Variants in L3MBTL4 observed in about 807,000 individuals in gnomAD.
L3MBTL4 encodes the protein L3MBTL histone methyl-lysine binding protein 4, also known as lethal(3)malignant brain tumor-like protein 4.
A neutral mutation model predicts 84.5 loss-of-function variants in L3MBTL4; 70 were observed. The ratio of observed to expected loss-of-function variants is 0.83; its 90% CI spans 0.68 to 1.01. The LOEUF (loss-of-function observed/expected upper bound fraction) is 1.01, where lower values mean the gene tolerates loss of function less well. Ranked by LOEUF, L3MBTL4 falls within the 50% of genes least tolerant of loss-of-function variation. The probability of loss-of-function intolerance (pLI) is 0.00; values close to 1 mark genes in which losing one functional copy is unlikely to be tolerated. For missense variants in L3MBTL4, 715 were observed against 754.8 expected (o/e 0.95, Z 0.62); for synonymous variants, 274 against 259.8 (o/e 1.05, Z -0.52).
intron 12 of L3MBTL4, among the ~76,000 whole-genome samples, chr18:6,175,384 C>CA (rs370287889): frequency 1.2e-3 from 183 of 150,442 alleles, no homozygotes; most frequent in African/African-American, 3.9e-3. Flanking sequence ...TTCAGATAAA[C>CA]AAAAAAAAAG....
chr18:6,164,627 T>C (rs1476177171), intron 13 of L3MBTL4, among the ~76,000 whole-genome samples: 2 of 152,112 alleles, frequency 1.3e-5, no homozygotes, highest in Admixed American at 1.3e-4. Context: ...GTCCTGACCA[T>C]TAGAAGGAAA....
rs1319047189 is a variant in L3MBTL4 at position 6,311,978 on chromosome 18, T to C, written c.-32+20A>G. The C allele has an allele frequency of 1.7e-5, 4 of 233,972 alleles. No homozygotes were observed. Among genetic ancestry groups the C allele is most frequent in the Admixed American group, 1.5e-4 (3 of 19,444 alleles). 14.5% of individuals were successfully genotyped at this position (233,972 alleles called of 1,614,324 possible). A position where few individuals can be genotyped will look rare whatever the true frequency, so the allele number is the denominator to read the frequency against. On this transcript the variant is annotated intron_variant, in intron 2 of 18. Coordinates refer to ENST00000317931, the MANE Select transcript of L3MBTL4 (RefSeq NM_001330559.2). ...CAATTAGGATTCACTGCAATCAGCCTGCACAGCTTCTGTACTCACATGGTC... is the reference window on the plus strand; with the variant it reads ...CAATTAGGATTCACTGCAATCAGCCCGCACAGCTTCTGTACTCACATGGTC...
At chr18:6,033,711 A>G (rs2145633246) in intron 16 of L3MBTL4, among the ~76,000 whole-genome samples, 1 of 152,250 alleles carries the variant, frequency 6.6e-6, no homozygotes, top group Admixed American at 6.5e-5. Flanking sequence ...TCTTTTGTGT[A>G]TATTCTATAG....
intron 16 of L3MBTL4, among the ~76,000 whole-genome samples, chr18:6,056,575 A>G (rs2057031071): frequency 6.6e-6 from 1 of 152,092 alleles, no homozygotes; most frequent in South Asian, 2.1e-4. Context: ...AGAGGTAGAG[A>G]AAGGCTCTCT....
chr18:6,022,718 G>A (rs538896130), intron 16 of L3MBTL4, among the ~76,000 whole-genome samples: 7 of 152,328 alleles, frequency 4.6e-5, no homozygotes, highest in Admixed American at 1.3e-4. Flanking sequence ...CAAAGTCTAC[G>A]TGATTTGGCT....
rs1425265821 is a variant in L3MBTL4 at position 6,364,256 on chromosome 18, TATTTTC to T, written c.-91+50539_-91+50544del. Among the ~76,000 whole-genome samples the T allele has an allele frequency of 3.9e-4, 59 of 152,246 alleles. No homozygotes were observed. In the East Asian group the frequency reaches 8.3e-3, roughly 21 times the overall value. ...ATATTTTTGTTTCAGAGAATATAAC[TATTTTC>T]ATTAAAATATTATTTATGTTAAGTA... On this transcript the variant is annotated intron_variant, in intron 1 of 18. Coordinates refer to ENST00000317931, the MANE Select transcript of L3MBTL4 (RefSeq NM_001330559.2).
At chr18:5,995,977 C>T (rs949621457) in intron 16 of L3MBTL4, among the ~76,000 whole-genome samples, 4 of 152,220 alleles carry the variant, frequency 2.6e-5, no homozygotes, top group Admixed American at 1.3e-4. Flanking sequence ...TGAGAATACT[C>T]ACCAGCTGGA....
intron 4 of L3MBTL4, among the ~76,000 whole-genome samples, chr18:6,292,894 C>A (rs2049930866): frequency 1.7e-5 from 2 of 119,692 alleles, no homozygotes; most frequent in African/African-American, 6.6e-5. Context: ...ACTAGTTCTA[C>A]CCTCTGCCAT....
intron 4 of L3MBTL4, among the ~76,000 whole-genome samples, chr18:6,299,999 A>G (rs904842285): frequency 3.9e-5 from 6 of 152,194 alleles, no homozygotes; most frequent in African/African-American, 1.2e-4. Flanking sequence ...TTCTGTTCAC[A>G]TATAAATATA....
At chr18:5,990,770 G>GGTGTGTGTGT (rs34551806) in intron 16 of L3MBTL4, among the ~76,000 whole-genome samples, 14 of 142,286 alleles carry the variant, frequency 9.8e-5, no homozygotes, top group African/African-American at 3.4e-4. Context: ...GGTTCATGTG[G>GGTGTGTGTGT]GTGTGTGTGT....
chr18:5,974,087 C>T (rs1194072453), intron 16 of L3MBTL4, among the ~76,000 whole-genome samples: 1 of 152,100 alleles, frequency 6.6e-6, no homozygotes, highest in Non-Finnish European at 1.5e-5. Context: ...ATACATAAAA[C>T]TTGTAATGTC....
At chr18:5,972,407 GTGTC>G (rs1410488276) in intron 16 of L3MBTL4, among the ~76,000 whole-genome samples, 1 of 152,184 alleles carries the variant, frequency 6.6e-6, no homozygotes, top group Non-Finnish European at 1.5e-5. Context: ...GGAGGTGACA[GTGTC>G]TGTCATGCAG....
At chr18:6,207,722 G>C (rs1357275725) in intron 12 of L3MBTL4, among the ~76,000 whole-genome samples, 1 of 152,132 alleles carries the variant, frequency 6.6e-6, no homozygotes, top group Non-Finnish European at 1.5e-5. Flanking sequence ...GTGACACTGT[G>C]ATGACCATTA....
At chr18:6,131,649 T>G (rs1008256050) in intron 14 of L3MBTL4, among the ~76,000 whole-genome samples, 1 of 152,150 alleles carries the variant, frequency 6.6e-6, no homozygotes, top group Non-Finnish European at 1.5e-5. Context: ...ATTTAAAAAT[T>G]TTATCTCTTC....
intron 10 of L3MBTL4, among the ~76,000 whole-genome samples, chr18:6,227,662 TAAGAA>T (rs1171051692): frequency 1.3e-5 from 2 of 152,074 alleles, no homozygotes; most frequent in South Asian, 2.1e-4. Flanking sequence ...TTTTAAAAAT[TAAGAA>T]AAGAAAACTC....
chr18:6,014,950 G>A (rs551454314), intron 16 of L3MBTL4, among the ~76,000 whole-genome samples: 1 of 149,928 alleles, frequency 6.7e-6, no homozygotes, highest in East Asian at 2.0e-4. Context: ...TTAGATTCAG[G>A]CAGTCACAGT....
intron 16 of L3MBTL4, among the ~76,000 whole-genome samples, chr18:6,027,257 C>T (rs577978433): frequency 2.6e-5 from 4 of 152,262 alleles, no homozygotes; most frequent in Non-Finnish European, 4.4e-5. Context: ...CATTGTTCAA[C>T]TCCCACCTAT....
intron 16 of L3MBTL4, among the ~76,000 whole-genome samples, chr18:6,074,009 C>A (rs2057776876): frequency 6.6e-6 from 1 of 152,174 alleles, no homozygotes; most frequent in Admixed American, 6.5e-5. Context: ...ATCCTTTGCA[C>A]TTACAATGTT....
chr18:6,174,319 T>C (rs1383739756), intron 12 of L3MBTL4, among the ~76,000 whole-genome samples: 2 of 151,976 alleles, frequency 1.3e-5, no homozygotes, highest in Non-Finnish European at 2.9e-5. Context: ...CAGAAAAGGA[T>C]TGCAAAGTAG....
Sources: allele counts gnomAD v4.1 joint callset (sites outside exome capture counted in the v4.1 genomes callset), GRCh38; gene constraint gnomAD v4.1.1; transcripts MANE v1.5; gene names NCBI Gene and HGNC (gene_info 2026-07-23, HGNC 2026-07-21).